Variants in MPPED1 observed in about 807,000 individuals in gnomAD.
The protein encoded by MPPED1 is metallophosphoesterase domain-containing protein 1.
MPPED1 carries 16 observed loss-of-function variants against 36.2 expected under a neutral mutation model. That is an observed-to-expected ratio of 0.44 (90% CI 0.30 to 0.67). The LOEUF (loss-of-function observed/expected upper bound fraction) is 0.67, where lower values mean the gene tolerates loss of function less well. Among genes scored for constraint, MPPED1 ranks in the 30% least tolerant of loss-of-function variants. The probability of loss-of-function intolerance (pLI) is 0.10; values close to 1 mark genes in which losing one functional copy is unlikely to be tolerated. For missense variants in MPPED1, 307 were observed against 453.4 expected, an observed-to-expected ratio of 0.68 and a Z score of 2.93; for synonymous variants, 199 against 191.3, an observed-to-expected ratio of 1.04 and a Z score of -0.33.
chr22:43,501,159 C>T (rs1362795092), intron 5 of MPPED1, among the ~76,000 whole-genome samples: 2 of 152,208 alleles, frequency 1.3e-5, no homozygotes, highest in Non-Finnish European at 2.9e-5. Context: ...ATTTAAGCAG[C>T]ACAGAGAGGT....
intron 3 of MPPED1, among the ~76,000 whole-genome samples, chr22:43,462,650 A>G (rs1026553064): frequency 1.3e-5 from 2 of 152,124 alleles, no homozygotes; most frequent in African/African-American, 4.8e-5. Context: ...TTCATCCTCA[A>G]GTCTTCTGCA....
chr22:43,474,748 A>G lies in MPPED1; in HGVS notation c.419A>G (p.Tyr140Cys). 1 of 1,613,970 alleles carries G rather than the reference A, an allele frequency of 6.2e-7. No individual in the cohort carries two copies. The highest frequency in any genetic ancestry group is 8.5e-7 in the Non-Finnish European group (1 of 1,179,888). ...TCCACCCCTGCAGGCAGCCTGCCCT[A>G]CGAGTACAAGATCGTGATCGCAGGC... The part of the protein sequence containing the change: ...KFNEWLGSLP[Y>C]EYKIVIAGNH... Residue 140 changes from tyrosine (Y) to cysteine (C), a missense_variant, in exon 4 of 7, where the codon TAC (tyrosine) becomes TGC (cysteine). By Grantham distance (194) the Tyr-to-Cys change is radical (BLOSUM62 -2). Coordinates refer to ENST00000443721, the MANE Select transcript of MPPED1 (RefSeq NM_001044370.2). This position sits in a 1 kb window ranked among gnomAD's most constrained non-coding sequence, Gnocchi z 5.2.
intron 3 of MPPED1, among the ~76,000 whole-genome samples, chr22:43,450,006 T>C (rs1305592719): frequency 6.6e-6 from 1 of 151,784 alleles, no homozygotes; most frequent in African/African-American, 2.4e-5. Context: ...GGCGGTGGTT[T>C]GTAGAGCCAG....
chr22:43,463,331 CT>C (rs3047468), intron 3 of MPPED1, among the ~76,000 whole-genome samples: 44,505 of 120,546 alleles, frequency 0.37, 6,243 homozygotes, highest in African/African-American at 0.4. Context: ...ATGATTTTTT[CT>C]TTTTTTTTTT....
rs1167986490 is a variant in MPPED1, at chr22:43,507,814, G to A, written c.*2198G>A. The A allele has an allele frequency of 7.5e-6, 1 of 133,044 alleles. No homozygotes were observed. The highest frequency in any genetic ancestry group is 2.9e-5 in the African/African-American group (1 of 34,666). The allele number at this position is 133,044 out of a possible 1,614,324, so 8.2% of individuals were successfully genotyped here. A position where few individuals can be genotyped will look rare whatever the true frequency, so the allele number is the denominator to read the frequency against. On this transcript the variant is annotated 3_prime_UTR_variant, in exon 7 of 7. Coordinates refer to ENST00000443721, the MANE Select transcript of MPPED1 (RefSeq NM_001044370.2). ...TAATTTTTTTTTTTTTTTTTGTCAA[G>A]CATGTCAGACAATAAAGTCTTTGTA...
intron 3 of MPPED1, among the ~76,000 whole-genome samples, chr22:43,473,416 T>C (rs996262065): frequency 6.6e-6 from 1 of 152,178 alleles, no homozygotes; most frequent in Non-Finnish European, 1.5e-5. Flanking sequence ...TGTGAACTGG[T>C]TATGGAATGT....
At chr22:43,480,806 ATTTCTTTTTCT>A (rs2146892662) in intron 4 of MPPED1, among the ~76,000 whole-genome samples, 2 of 144,418 alleles carry the variant, frequency 1.4e-5, no homozygotes, top group East Asian at 4.0e-4. Flanking sequence ...ATGAAGACTT[ATTTCTTTTTCT>A]TTTCTTTTCT....
chr22:43,465,001 C>A (rs1931113666), intron 3 of MPPED1, among the ~76,000 whole-genome samples: 1 of 152,204 alleles, frequency 6.6e-6, no homozygotes, highest in Non-Finnish European at 1.5e-5. Flanking sequence ...TCCGTGGGCA[C>A]CCCACCCCGG....
chr22:43,471,452 C>G (rs974508281), intron 3 of MPPED1, among the ~76,000 whole-genome samples: 1 of 152,190 alleles, frequency 6.6e-6, no homozygotes. Flanking sequence ...GGACCAGCGT[C>G]CCCCTCCACA....
intron 4 of MPPED1, among the ~76,000 whole-genome samples, chr22:43,487,399 G>A (rs1321943997): frequency 6.6e-6 from 1 of 152,196 alleles, no homozygotes; most frequent in African/African-American, 2.4e-5. Context: ...CATGGGTGGT[G>A]AGCTCCGTGG....
rs554531823 is a variant in MPPED1, at chr22:43,453,075, G to A, written c.406+17860G>A. 1.1e-3 allele frequency among the ~76,000 whole-genome samples: 168 copies of A among 150,124 alleles called. 2 individuals carry two copies. In the Middle Eastern group the frequency reaches 0.035, roughly 31 times the overall value. On this transcript the variant is annotated intron_variant, in intron 3 of 6. Transcript: ENST00000443721. ...AGTGATTCTCCTGCCTCAGCCTCCC[G>A]AGTAGCTGGGACTACAGGCACCCGC...
chr22:43,475,686 ATGG>A (rs1294178086), intron 4 of MPPED1, among the ~76,000 whole-genome samples: 1 of 123,062 alleles, frequency 8.1e-6, no homozygotes, highest in Non-Finnish European at 1.8e-5. Context: ...TGATGTGGTG[ATGG>A]TGATGATGGT....
At chr22:43,459,285 T>TG (rs1338536934) in intron 3 of MPPED1, among the ~76,000 whole-genome samples, 2 of 152,182 alleles carry the variant, frequency 1.3e-5, no homozygotes. Flanking sequence ...TTTGCCATGA[T>TG]GGGGTATTGC....
At chr22:43,475,001 C>A (rs746707897) in intron 4 of MPPED1, 40 bp downstream of exon 4, 1 of 1,592,492 alleles carries the variant, frequency 6.3e-7, no homozygotes, top group African/African-American at 1.3e-5. Flanking sequence ...GCTGGTGAGA[C>A]CAGAGCTGAG....
rs1601947417 is a variant in MPPED1 at position 43,425,041 on chromosome 22, T to C, written c.56T>C (p.Leu19Pro). The C allele has an allele frequency of 1.2e-6, 2 of 1,612,246 alleles. No homozygotes were observed. Among genetic ancestry groups the C allele is most frequent in the Non-Finnish European group, 1.7e-6 (2 of 1,179,348 alleles). Residue 19 changes from leucine (L) to proline (P), a missense_variant, in exon 2 of 7, where the codon CTC becomes CCC. Coordinates refer to ENST00000443721, the MANE Select transcript of MPPED1 (RefSeq NM_001044370.2). ...SVLKAEALAL[L>P]PCGLGMAFSQ... is the part of the protein sequence containing the mutation. ...CTGAAGGCGGAGGCCCTGGCCCTCC[T>C]CCCCTGCGGCCTGGGCATGGCATTC...
chr22:43,421,144 C>G (rs918446204), intron 1 of MPPED1, among the ~76,000 whole-genome samples: 2 of 152,230 alleles, frequency 1.3e-5, no homozygotes, highest in African/African-American at 4.8e-5. Flanking sequence ...TTTTGAGGAC[C>G]GGGTGTAAAC....
chr22:43,486,452 C>A (rs1178199188), intron 4 of MPPED1, among the ~76,000 whole-genome samples: 1 of 152,036 alleles, frequency 6.6e-6, no homozygotes, highest in African/African-American at 2.4e-5. Context: ...GGAGATTGGA[C>A]CTGGACCTGG....
At chr22:43,467,942 C>A (rs547267571) in intron 3 of MPPED1, among the ~76,000 whole-genome samples, 1 of 152,016 alleles carries the variant, frequency 6.6e-6, no homozygotes, top group South Asian at 2.1e-4. Context: ...TAAGTGTTAG[C>A]GATAAAGAAT....
chr22:43,473,272 T>C (rs747888369), intron 3 of MPPED1, among the ~76,000 whole-genome samples: 4 of 152,048 alleles, frequency 2.6e-5, no homozygotes, highest in Admixed American at 6.5e-5. Flanking sequence ...CAGGGGCTCA[T>C]TGGAGCCTGA....
Sources: gnomAD v4.1 joint callset for allele counts (sites outside exome capture counted in the v4.1 genomes callset) on GRCh38, gnomAD v4.1.1 for gene constraint, Gnocchi (gnomAD v3.1) non-coding constraint, MANE v1.5 for transcripts, NCBI Gene and HGNC (gene_info 2026-07-23, HGNC 2026-07-21) for gene names.